The following ATG2A variants were observed in gnomAD, a reference collection of about 807,000 sequenced individuals.
ATG2A encodes autophagy-related protein 2 homolog A.
A neutral mutation model predicts 214.2 loss-of-function variants in ATG2A; 103 were observed. The observed-to-expected ratio is 0.48, with a 90% confidence interval of 0.41 to 0.57. The LOEUF (loss-of-function observed/expected upper bound fraction) is 0.57, where lower values mean the gene tolerates loss of function less well. ATG2A is among the 20% of genes least tolerant of loss of function. The pLI is 0.00. For missense variants in ATG2A, 2,312 were observed against 2,613.2 expected, an observed-to-expected ratio of 0.88 and a Z score of 2.51; for synonymous variants, 1,160 against 1,142.1, an observed-to-expected ratio of 1.02 and a Z score of -0.32.
At chr11:64,912,288 T>TGCCCCCC in intron 7 of ATG2A, 39 bp from the exon 8 acceptor site, 7 of 1,471,134 alleles carry the variant, frequency 4.8e-6, no homozygotes, top group Non-Finnish European at 6.6e-6. Context: ...TGGCTGGCCC[T>TGCCCCCC]CCCAGCCACC....
rs374553002 is a variant in ATG2A, at chr11:64,912,107, G to C, written c.1065C>G (p.Pro355=). The C allele has an allele frequency of 5.5e-5, 88 of 1,613,542 alleles. No individual in the cohort carries two copies. In the South Asian group the frequency reaches 7.6e-4, roughly 14 times the overall value. Reference sequence around the variant, plus strand: ...CACCAGTGTTATCCAGGTTGAGAAGGGGGTTGGTAAGGGGGTCTGGGCTGA... The same window carrying C: ...CACCAGTGTTATCCAGGTTGAGAAGCGGGTTGGTAAGGGGGTCTGGGCTGA... ...EPLSPDPLTN[P]LLNLDNTDLF... Residue 355 remains proline (P), a synonymous_variant, in exon 8 of 41, where the codon CCC becomes CCG. Transcript: ENST00000377264.
intron 16 of ATG2A, among the ~76,000 whole-genome samples, chr11:64,908,511 C>T (rs1009946643): frequency 5.3e-5 from 8 of 151,846 alleles, no homozygotes; most frequent in African/African-American, 1.9e-4. Context: ...GAGATCATGC[C>T]ACTGCACTCC....
chr11:64,904,989 G>A (rs1944491700), intron 24 of ATG2A, among the ~76,000 whole-genome samples: 1 of 152,324 alleles, frequency 6.6e-6, no homozygotes, highest in African/African-American at 2.4e-5. Flanking sequence ...CCAAGTAGCT[G>A]GGACTACAGG....
chr11:64,902,510 C>T lies in ATG2A; in HGVS notation c.3777+6G>A, dbSNP rs1336199106. 6.6e-7 allele frequency: 1 copy of T among 1,519,616 alleles called. No individual in the cohort carries two copies. The highest frequency in any genetic ancestry group is 1.4e-5 in the African/African-American group (1 of 72,202). 94.1% of individuals were successfully genotyped at this position (1,519,616 alleles called of 1,614,324 possible). On this transcript the variant is annotated splice_donor_region_variant and intron_variant, in intron 27 of 40. Coordinates refer to ENST00000377264, the MANE Select transcript of ATG2A (RefSeq NM_015104.3). ...GGTAGCCTGTGTGGCCAGGCCTCACCTGTACCTTCTGGCCGGCGATCTCCG... is the reference window on the plus strand; with the variant it reads ...GGTAGCCTGTGTGGCCAGGCCTCACTTGTACCTTCTGGCCGGCGATCTCCG...
chr11:64,908,278 T>C (rs1221508655), intron 16 of ATG2A, among the ~76,000 whole-genome samples: 5 of 151,900 alleles, frequency 3.3e-5, no homozygotes, highest in Admixed American at 6.6e-5. Context: ...TTAGGCCAGG[T>C]GCGGTGGCTC....
At chr11:64,907,484 TG>T in intron 18 of ATG2A, 40 bp downstream of exon 18, 4 of 1,611,142 alleles carry the variant, frequency 2.5e-6, no homozygotes, top group Non-Finnish European at 3.4e-6. Flanking sequence ...TTCCCAGACC[TG>T]GGGGTCCTCC....
rs772670680 is a variant in ATG2A at position 64,913,117 on chromosome 11, G to C, written c.746C>G (p.Pro249Arg). The C allele has an allele frequency of 1.7e-5, 27 of 1,579,126 alleles. No homozygotes were observed. The South Asian group carries it at 3.0e-4, about 17-fold the overall frequency. ...LPAQEEPPEP[P>R]LQIGSCSGYM... ...CCCTGAGCAGCTGCCGATCTGCAAG[G>C]GGGGCTCTGGAGGCTCTTCCTGGGA... Residue 249 changes from proline (P) to arginine (R), a missense_variant, in exon 6 of 41, where the codon CCC becomes CGC. Transcript: ENST00000377264. This position sits in a 1 kb window ranked among gnomAD's most constrained non-coding sequence, Gnocchi z 4.3.
At position 64,903,027 on chromosome 11, in the gene ATG2A, C is replaced by T. The variant is rs1007354476; in HGVS notation, c.3612+261G>A. On this transcript the variant is annotated intron_variant, in intron 26 of 40. Coordinates refer to ENST00000377264, the MANE Select transcript of ATG2A (RefSeq NM_015104.3). The surrounding 1 kb of genome is among the most constrained non-coding windows in gnomAD (Gnocchi z 4.2). ...GGGACCTACAAAGGTGGCTGATTCC[C>T]AGGGCCTCGCTGGTGCCCTGGCTGC... Among the ~76,000 whole-genome samples the T allele has an allele frequency of 3.9e-5, 6 of 152,164 alleles. No individual in the cohort carries two copies. The South Asian group carries it at 1.2e-3, about 32-fold the overall frequency.
At position 64,909,855 on chromosome 11, in the gene ATG2A, G is replaced by A. The variant is rs755285362; in HGVS notation, c.1933C>T (p.Leu645=). 6.8e-6 allele frequency: 11 copies of A among 1,609,484 alleles called. No individual in the cohort carries two copies. The highest frequency in any genetic ancestry group is 8.5e-6 in the Non-Finnish European group (10 of 1,178,750). ...CGCAGGTCGGCAATGGGGAAGCGCA[G>A]CCGCAGCGTGGCCCGGGGTGCAGAG... ...RLSAPRATLR[L]RFPIADLRPE... Residue 645 remains leucine, a synonymous_variant, in exon 14 of 41, where the codon CTG becomes TTG. Transcript: ENST00000377264.
intron 16 of ATG2A, 65 bp from the exon 17 acceptor site, chr11:64,907,955 T>C (rs1348894189): frequency 6.5e-7 from 1 of 1,549,738 alleles, no homozygotes; most frequent in Non-Finnish European, 8.8e-7. Context: ...GGCCTGTCTC[T>C]GGTCTCAGTC....
chr11:64,912,286 C>CCAGG, intron 7 of ATG2A, 37 bp from the exon 8 acceptor site: 3 of 1,588,952 alleles, frequency 1.9e-6, no homozygotes, highest in Non-Finnish European at 1.7e-6. Flanking sequence ...GCTGGCTGGC[C>CCAGG]CTCCCAGCCA....
chr11:64,907,885 C>A lies in ATG2A; in HGVS notation c.2370G>T (p.Val790=). 6.2e-7 allele frequency: 1 copy of A among 1,611,994 alleles called. No homozygotes were observed. Among genetic ancestry groups the A allele is most frequent in the Non-Finnish European group, 8.5e-7 (1 of 1,179,576 alleles). The change falls in exon 17 of 41, where the codon GTG becomes GTT. Residue 790 remains valine (V), a synonymous_variant. Coordinates refer to ENST00000377264, the MANE Select transcript of ATG2A (RefSeq NM_015104.3). ...KRTMYETEEM[V]IPGDPEEMRT... ...TCATCTCCTCAGGGTCTCCAGGGAT[C>A]ACCATCTGGACAGGGTGAGGTGGAA...
rs1177356462 is a variant in ATG2A, at chr11:64,898,869, G to A, written c.4465-27C>T. The A allele has an allele frequency of 6.3e-7, 1 of 1,593,696 alleles. No homozygotes were observed. Among genetic ancestry groups the A allele is most frequent in the Non-Finnish European group, 8.5e-7 (1 of 1,172,664 alleles). Reference sequence around the variant, plus strand: ...TGTGGGGTGGACAGAGGCCTGGCCAGGTAAGCAGGGCCCCAAGAGGGAGGG... The same window carrying A: ...TGTGGGGTGGACAGAGGCCTGGCCAAGTAAGCAGGGCCCCAAGAGGGAGGG... On this transcript the variant is annotated intron_variant, in intron 31 of 40. Transcript: ENST00000377264. This position sits in a 1 kb window ranked among gnomAD's most constrained non-coding sequence, Gnocchi z 4.5.
In ATG2A at chr11:64,898,807, T is replaced by C; in HGVS notation, c.4500A>G (p.Pro1500=). 6.2e-7 allele frequency: 1 copy of C among 1,612,794 alleles called. No homozygotes were observed. Among genetic ancestry groups the C allele is most frequent in the South Asian group, 1.1e-5 (1 of 91,072 alleles). The change falls in exon 32 of 41, where the codon CCA becomes CCG. Residue 1500 remains proline, a synonymous_variant. Transcript: ENST00000377264. This position sits in a 1 kb window ranked among gnomAD's most constrained non-coding sequence, Gnocchi z 4.5. Reference sequence around the variant, plus strand: ...GGCTGGGGGCCGCAGGGCCTGTGGCTGGCTCCGCTGGGTACACCTCGTGCT... The same window carrying C: ...GGCTGGGGGCCGCAGGGCCTGTGGCCGGCTCCGCTGGGTACACCTCGTGCT... The part of the protein sequence containing the change: ...SFQHEVYPAE[P]ATGPAAPSQE...
intron 37 of ATG2A, chr11:64,897,206 C>CG (rs367790762): frequency 2.2e-5 from 14 of 643,374 alleles, no homozygotes; most frequent in South Asian, 1.2e-4. Context: ...TTAGTAGAGA[C>CG]GGGGGGGTTT....
chr11:64,897,525 A>C, intron 36 of ATG2A, 31 bp from the exon 37 acceptor site: 1 of 1,589,238 alleles, frequency 6.3e-7, no homozygotes, highest in Non-Finnish European at 8.6e-7. Flanking sequence ...AGGTTTACCC[A>C]ATGGGACTCA....
At position 64,917,179 on chromosome 11, in the gene ATG2A, C is replaced by T. The variant is rs1475345116; in HGVS notation, c.-44G>A. 3 of 1,547,198 alleles carry T rather than the reference C, an allele frequency of 1.9e-6. No individual in the cohort carries two copies. Among genetic ancestry groups the T allele is most frequent in the African/African-American group, 1.4e-5 (1 of 72,788 alleles). ...TGGGCCGCCTCCGCTTGCCGCCCGC[C>T]GGCGATCCCCGTCCGGCTCCGCTGT... On this transcript the variant is annotated 5_prime_UTR_variant, in exon 1 of 41. Transcript: ENST00000377264.
chr11:64,907,935 C>G, intron 16 of ATG2A, 45 bp from the exon 17 acceptor site: 2 of 1,586,124 alleles, frequency 1.3e-6, no homozygotes, highest in Non-Finnish European at 1.7e-6. Flanking sequence ...ATCTTAGAGA[C>G]GCTGGCTGGG....
rs751647904 is a variant in ATG2A at position 64,894,932 on chromosome 11, G to A, written c.*41C>T. The stretch of plus-strand genomic sequence containing the variant: ...GCTGCAGCTCTTGGGAGGCTCAGGA[G>A]CATGGTGGGCAGCACCCTCTGGGTG... On this transcript the variant is annotated 3_prime_UTR_variant, in exon 41 of 41. Coordinates refer to ENST00000377264, the MANE Select transcript of ATG2A (RefSeq NM_015104.3). 9 of 1,606,494 alleles carry A rather than the reference G, an allele frequency of 5.6e-6. No homozygotes were observed. In the South Asian group the frequency reaches 8.8e-5, roughly 16 times the overall value.
Sources: allele counts gnomAD v4.1 joint callset (sites outside exome capture counted in the v4.1 genomes callset), GRCh38; gene constraint gnomAD v4.1.1; non-coding constraint Gnocchi (gnomAD v3.1); transcripts MANE v1.5; gene names NCBI Gene and HGNC (gene_info 2026-07-23, HGNC 2026-07-21).